Variants in ASCC1 observed in about 807,000 individuals in gnomAD.
The protein encoded by ASCC1 is activating signal cointegrator 1 complex subunit 1.
In ASCC1, 35 loss-of-function variants were observed where a neutral mutation model predicts 46.6. The ratio of observed to expected loss-of-function variants is 0.75; its 90% CI spans 0.57 to 0.99. ASCC1 has a LOEUF of 0.99. ASCC1 is among the 50% of genes least tolerant of loss of function. ASCC1 has a pLI of 0.00. For missense variants in ASCC1, 376 were observed against 428.7 expected (o/e 0.88, Z 1.09); for synonymous variants, 143 against 146.6 (o/e 0.98, Z 0.18).
intron 7 of ASCC1, among the ~76,000 whole-genome samples, chr10:72,140,190 CTATT>C (rs1204514450): frequency 1.3e-5 from 2 of 151,926 alleles, no homozygotes; most frequent in African/African-American, 4.8e-5. Flanking sequence ...ATCTTACAGT[CTATT>C]TAAGAAAAAG....
intron 5 of ASCC1, among the ~76,000 whole-genome samples, chr10:72,195,930 G>A (rs1194902550): frequency 3.3e-5 from 5 of 151,758 alleles, no homozygotes; most frequent in Non-Finnish European, 7.4e-5. Context: ...AATTATGGAT[G>A]ATTTTTTATT....
At chr10:72,187,130 C>A (rs758469403) in intron 5 of ASCC1, among the ~76,000 whole-genome samples, 5 of 152,132 alleles carry the variant, frequency 3.3e-5, no homozygotes, top group African/African-American at 1.2e-4. Flanking sequence ...GAAACCTCAG[C>A]GTTCCTGATC....
intron 9 of ASCC1, among the ~76,000 whole-genome samples, chr10:72,122,874 AT>A (rs1844375268): frequency 6.6e-6 from 1 of 152,204 alleles, no homozygotes; most frequent in Non-Finnish European, 1.5e-5. Context: ...ACTTATCAAA[AT>A]TTGTAGGATA....
At chr10:72,209,913 A>T (rs1242214055) in intron 3 of ASCC1, among the ~76,000 whole-genome samples, 1 of 152,182 alleles carries the variant, frequency 6.6e-6, no homozygotes, top group Non-Finnish European at 1.5e-5. Context: ...TGTTTGGATC[A>T]TGGGGGTGGA....
intron 5 of ASCC1, among the ~76,000 whole-genome samples, chr10:72,162,109 C>T (rs532958245): frequency 6.6e-6 from 1 of 151,934 alleles, no homozygotes; most frequent in Admixed American, 6.6e-5. Flanking sequence ...GTCTAGTATC[C>T]GGAATATATA....
chr10:72,192,076 A>C (rs1854602221), intron 5 of ASCC1, among the ~76,000 whole-genome samples: 1 of 152,234 alleles, frequency 6.6e-6, no homozygotes, highest in Non-Finnish European at 1.5e-5. Context: ...CAAGCTACAG[A>C]TTAGGAGAAA....
intron 5 of ASCC1, among the ~76,000 whole-genome samples, chr10:72,180,141 T>C (rs1267732490): frequency 6.6e-6 from 1 of 152,004 alleles, no homozygotes; most frequent in Non-Finnish European, 1.5e-5. Flanking sequence ...TAGCCAGGCA[T>C]GTTGGCACAT....
chr10:72,153,849 G>C (rs1848651156), intron 6 of ASCC1, among the ~76,000 whole-genome samples: 1 of 152,032 alleles, frequency 6.6e-6, no homozygotes, highest in African/African-American at 2.4e-5. Context: ...AGCCTCCTGA[G>C]TAGCTGGGAC....
intron 9 of ASCC1, among the ~76,000 whole-genome samples, chr10:72,103,281 T>C (rs898960117): frequency 2.6e-5 from 4 of 151,508 alleles, no homozygotes; most frequent in Non-Finnish European, 4.4e-5. Flanking sequence ...TACAGGCGCC[T>C]GCCACCGCAC....
chr10:72,132,714 CCTTT>C (rs559353952), intron 8 of ASCC1, among the ~76,000 whole-genome samples: 4 of 151,862 alleles, frequency 2.6e-5, no homozygotes, highest in Non-Finnish European at 4.4e-5. Flanking sequence ...AGCTCACCTT[CCTTT>C]CTTTTTTCTC....
chr10:72,159,770 C>G (rs1849403944), intron 6 of ASCC1, among the ~76,000 whole-genome samples: 1 of 152,118 alleles, frequency 6.6e-6, no homozygotes, highest in African/African-American at 2.4e-5. Flanking sequence ...GTTCTTTGCT[C>G]TCTGAGATTC....
chr10:72,184,565 GAA>G (rs1375777235), intron 5 of ASCC1, among the ~76,000 whole-genome samples: 1 of 152,008 alleles, frequency 6.6e-6, no homozygotes, highest in Non-Finnish European at 1.5e-5. Flanking sequence ...CAGGAATAGA[GAA>G]AGATATTTCA....
At chr10:72,135,438 T>A (rs1161712198) in intron 7 of ASCC1, among the ~76,000 whole-genome samples, 1 of 152,134 alleles carries the variant, frequency 6.6e-6, no homozygotes, top group Non-Finnish European at 1.5e-5. Flanking sequence ...GGGAAAAGCA[T>A]TCTGGAGAGA....
intron 6 of ASCC1, among the ~76,000 whole-genome samples, chr10:72,156,437 T>C (rs1320345210): frequency 6.6e-6 from 1 of 152,200 alleles, no homozygotes; most frequent in Non-Finnish European, 1.5e-5. Flanking sequence ...TGCTATATTG[T>C]CATTAAGTAA....
intron 5 of ASCC1, among the ~76,000 whole-genome samples, chr10:72,175,579 C>T (rs1039038058): frequency 1.3e-5 from 2 of 152,210 alleles, no homozygotes; most frequent in Non-Finnish European, 2.9e-5. Context: ...TACATAATTA[C>T]AAGAAAGTGG....
chr10:72,104,593 C>A (rs1004490847), intron 9 of ASCC1, among the ~76,000 whole-genome samples: 1 of 152,074 alleles, frequency 6.6e-6, no homozygotes, highest in Non-Finnish European at 1.5e-5. Context: ...GTTAAGGTGT[C>A]TGAATCATGT....
intron 5 of ASCC1, among the ~76,000 whole-genome samples, chr10:72,172,329 C>T (rs1034850463): frequency 2.7e-5 from 4 of 149,476 alleles, no homozygotes; most frequent in Non-Finnish European, 5.9e-5. Flanking sequence ...GCAGGAAAAT[C>T]GCTTGAACCC....
Position 72,200,700 on chromosome 10 carries a change from G to A in ASCC1, c.310+2727C>T, listed in dbSNP as rs377337829. Among the ~76,000 whole-genome samples, 6 of 151,284 alleles carry A rather than the reference G, an allele frequency of 4.0e-5. No individual in the cohort carries two copies. The East Asian group carries it at 9.7e-4, about 24-fold the overall frequency. Reference sequence around the variant, plus strand: ...AAAAATAGATGAAGTAACTTTTAATGCAATTATAAAATGACCTTGGTATTT... The same window carrying A: ...AAAAATAGATGAAGTAACTTTTAATACAATTATAAAATGACCTTGGTATTT... On this transcript the variant is annotated intron_variant, in intron 4 of 9. Transcript: ENST00000672957.
At chr10:72,204,228 G>A (rs1022351726) in intron 3 of ASCC1, among the ~76,000 whole-genome samples, 59 of 152,234 alleles carry the variant, frequency 3.9e-4, no homozygotes, top group Admixed American at 1.0e-3. Flanking sequence ...CAGCCTGGGC[G>A]ACAAGAACGA....
Sources: allele counts gnomAD v4.1 joint callset (sites outside exome capture counted in the v4.1 genomes callset), GRCh38; gene constraint gnomAD v4.1.1; transcripts MANE v1.5; gene names NCBI Gene and HGNC (gene_info 2026-07-23, HGNC 2026-07-21).